The following BTBD9 variants were observed in gnomAD, a reference collection of about 807,000 sequenced individuals.
BTBD9 encodes the protein BTB/POZ domain-containing protein 9.
BTBD9 carries 49 observed loss-of-function variants against 64.3 expected under a neutral mutation model. The ratio of observed to expected loss-of-function variants is 0.76; its 90% CI spans 0.61 to 0.97. BTBD9 has a LOEUF of 0.97. Among genes scored for constraint, BTBD9 ranks in the 50% least tolerant of loss-of-function variants. BTBD9 has a pLI of 0.00. For synonymous variants in BTBD9, 260 were observed against 274.7 expected, an observed-to-expected ratio of 0.95 and a Z score of 0.53; for missense variants, 598 against 762.1, an observed-to-expected ratio of 0.78 and a Z score of 2.53.
intron 6 of BTBD9, among the ~76,000 whole-genome samples, chr6:38,372,079 T>C (rs964805882): frequency 5.3e-5 from 8 of 152,174 alleles, no homozygotes; most frequent in East Asian, 1.9e-4. Context: ...CCAGGTCCCA[T>C]GGGAATCACA....
intron 9 of BTBD9, among the ~76,000 whole-genome samples, chr6:38,213,365 T>TA (rs982766171): frequency 4.6e-5 from 7 of 151,904 alleles, no homozygotes; most frequent in Admixed American, 1.3e-4. Flanking sequence ...TGGGAGAGCT[T>TA]AAAAAAATCT....
At chr6:38,355,071 T>C (rs1030054680) in intron 6 of BTBD9, among the ~76,000 whole-genome samples, 1 of 152,148 alleles carries the variant, frequency 6.6e-6, no homozygotes, top group African/African-American at 2.4e-5. Context: ...AGTTTCCAAA[T>C]AGCATGAAGG....
intron 6 of BTBD9, among the ~76,000 whole-genome samples, chr6:38,370,341 C>T (rs988660666): frequency 1.3e-5 from 2 of 152,148 alleles, no homozygotes; most frequent in East Asian, 1.9e-4. Context: ...CTTCAATGCT[C>T]CAAAAAACAT....
At chr6:38,484,198 G>A (rs1014357164) in intron 6 of BTBD9, among the ~76,000 whole-genome samples, 1 of 152,152 alleles carries the variant, frequency 6.6e-6, no homozygotes, top group Non-Finnish European at 1.5e-5. Flanking sequence ...ATAATAACTA[G>A]TGCACAGGGA....
chr6:38,224,564 A>C (rs1322987662), intron 9 of BTBD9, among the ~76,000 whole-genome samples: 2 of 152,224 alleles, frequency 1.3e-5, no homozygotes, highest in Non-Finnish European at 2.9e-5. Context: ...CACAATGGAG[A>C]AGCTCTATCA....
Position 38,174,880 on chromosome 6 carries a change from AAAGGG to A in BTBD9, c.*100_*104del. 7.3e-7 allele frequency: 1 copy of A among 1,372,442 alleles called. No homozygotes were observed. Among genetic ancestry groups the A allele is most frequent in the Non-Finnish European group, 1.0e-6 (1 of 1,003,926 alleles). 85.0% of individuals were successfully genotyped at this position (1,372,442 alleles called of 1,614,324 possible). ...TGCAGCTAGGTCGGCTCCTCCCTGGAAAGGGGCAGAGGTGGGGGCAGTCAACAGAG... is the reference window on the plus strand; with the variant it reads ...TGCAGCTAGGTCGGCTCCTCCCTGGAGCAGAGGTGGGGGCAGTCAACAGAG... On this transcript the variant is annotated 3_prime_UTR_variant, in exon 11 of 11. Coordinates refer to ENST00000481247, the MANE Select transcript of BTBD9 (RefSeq NM_001099272.2).
At chr6:38,364,413 AAAAC>A (rs1236701523) in intron 6 of BTBD9, among the ~76,000 whole-genome samples, 1 of 152,226 alleles carries the variant, frequency 6.6e-6, no homozygotes, top group African/African-American at 2.4e-5. Flanking sequence ...TATGAACACA[AAAAC>A]AGACAGAAAA....
intron 9 of BTBD9, among the ~76,000 whole-genome samples, chr6:38,206,645 C>T (rs1166412620): frequency 6.6e-6 from 1 of 152,016 alleles, no homozygotes; most frequent in Non-Finnish European, 1.5e-5. Context: ...CTAATGCCAA[C>T]AAGAAATCTG....
chr6:38,195,109 C>G (rs140119672), intron 9 of BTBD9, among the ~76,000 whole-genome samples: 1 of 152,200 alleles, frequency 6.6e-6, no homozygotes, highest in South Asian at 2.1e-4. Flanking sequence ...TGTCTCCCCC[C>G]ATCAGATTCC....
chr6:38,409,809 G>A (rs1444621955), intron 6 of BTBD9, among the ~76,000 whole-genome samples: 2 of 152,054 alleles, frequency 1.3e-5, no homozygotes, highest in African/African-American at 4.8e-5. Context: ...GGGCAACAGA[G>A]CAAGACTCTG....
Position 38,546,646 on chromosome 6 carries a change from C to T in BTBD9, c.1154+30954G>A, listed in dbSNP as rs147970570. 2.0e-3 allele frequency among the ~76,000 whole-genome samples: 306 copies of T among 152,196 alleles called. 1 individual carries two copies. Among genetic ancestry groups the T allele is most frequent in the Middle Eastern group, 0.014 (4 of 294 alleles). Reference sequence around the variant, plus strand: ...TCAAACCTTTTCATTATTATTATATCTGTTACGATACTGTTTTGTTTGTTT... The same window carrying T: ...TCAAACCTTTTCATTATTATTATATTTGTTACGATACTGTTTTGTTTGTTT... On this transcript the variant is annotated intron_variant, in intron 6 of 10. Transcript: ENST00000481247.
At chr6:38,315,620 CAA>C (rs1763003547) in intron 7 of BTBD9, among the ~76,000 whole-genome samples, 1 of 152,084 alleles carries the variant, frequency 6.6e-6, no homozygotes, top group South Asian at 2.1e-4. Context: ...GGATAGTTTC[CAA>C]AATTTCTCTT....
At chr6:38,585,645 C>T (rs1776483817) in intron 4 of BTBD9, among the ~76,000 whole-genome samples, 1 of 152,116 alleles carries the variant, frequency 6.6e-6, no homozygotes, top group South Asian at 2.1e-4. Flanking sequence ...TTCACTGTTA[C>T]TATTACTGTC....
chr6:38,220,016 A>AAC, intron 9 of BTBD9, among the ~76,000 whole-genome samples: 1 of 152,216 alleles, frequency 6.6e-6, no homozygotes, highest in African/African-American at 2.4e-5. Context: ...CTAACCAACC[A>AAC]CGGAAGTAAA....
intron 9 of BTBD9, among the ~76,000 whole-genome samples, chr6:38,205,945 G>A (rs557347248): frequency 9.7e-5 from 14 of 144,516 alleles, no homozygotes; most frequent in African/African-American, 3.6e-4. Flanking sequence ...AATGTGAAAT[G>A]GAATAAAGGC....
rs77529304 is a variant in BTBD9 at position 38,444,836 on chromosome 6, T to C, written c.1155-99743A>G. Among the ~76,000 whole-genome samples the C allele has an allele frequency of 9.6e-4, 146 of 152,372 alleles. 1 individual carries two copies. Among genetic ancestry groups the C allele is most frequent in the African/African-American group, 3.3e-3 (139 of 41,588 alleles). ...GTCAAATACAGTGCTAAAAAGCTAC[T>C]TGCCCCCATGGTAACTTTTCACTAA... On this transcript the variant is annotated intron_variant, in intron 6 of 10. Coordinates refer to ENST00000481247, the MANE Select transcript of BTBD9 (RefSeq NM_001099272.2).
chr6:38,330,820 T>C (rs1038385569), intron 7 of BTBD9, among the ~76,000 whole-genome samples: 3 of 152,046 alleles, frequency 2.0e-5, no homozygotes, highest in Admixed American at 6.6e-5. Flanking sequence ...TTCAAGACAA[T>C]TGGCCACAAA....
intron 8 of BTBD9, among the ~76,000 whole-genome samples, chr6:38,274,987 G>GA (rs1765329943): frequency 6.6e-6 from 1 of 151,984 alleles, no homozygotes; most frequent in Admixed American, 6.6e-5. Context: ...CACAGAATTG[G>GA]AAAAAACTAC....
chr6:38,206,536 T>C (rs954941407), intron 9 of BTBD9, among the ~76,000 whole-genome samples: 1 of 151,952 alleles, frequency 6.6e-6, no homozygotes, highest in Non-Finnish European at 1.5e-5. Flanking sequence ...ACACTGCACC[T>C]GGCCACTTTT....
Sources: allele counts gnomAD v4.1 joint callset (sites outside exome capture counted in the v4.1 genomes callset), GRCh38; gene constraint gnomAD v4.1.1; transcripts MANE v1.5; gene names NCBI Gene and HGNC (gene_info 2026-07-23, HGNC 2026-07-21).